EPHB1: variants seen among roughly 807,000 people sequenced by gnomAD.
EPHB1 encodes ephrin type-B receptor 1.
In EPHB1, 30 loss-of-function variants were observed where a neutral mutation model predicts 94.4. The ratio of observed to expected loss-of-function variants is 0.32; its 90% CI spans 0.24 to 0.43. EPHB1 has a LOEUF of 0.43. Ranked by LOEUF, EPHB1 falls within the 20% of genes least tolerant of loss-of-function variation. EPHB1 has a pLI of 1.00. For missense variants in EPHB1, 1,055 were observed against 1,308.3 expected, an observed-to-expected ratio of 0.81 and a Z score of 2.99; for synonymous variants, 522 against 489.1, an observed-to-expected ratio of 1.07 and a Z score of -0.89.
Position 135,241,135 on chromosome 3 carries a change from C to T in EPHB1, c.2347-13C>T, listed in dbSNP as rs753037978. ...CTGATTGTTGGGCTGACCACGGTTT[C>T]TCCTTCTTTCAGGGAGGGAAGATCC... is the stretch of plus-strand genomic sequence containing the variant. On this transcript the variant is annotated splice_polypyrimidine_tract_variant and intron_variant, in intron 12 of 15. Transcript: ENST00000398015. 4 of 1,614,188 alleles carry T rather than the reference C, an allele frequency of 2.5e-6. No individual in the cohort carries two copies. The highest frequency in any genetic ancestry group is 3.4e-6 in the Non-Finnish European group (4 of 1,180,016).
At chr3:134,905,757 G>A (rs533577388) in intron 1 of EPHB1, among the ~76,000 whole-genome samples, 1 of 152,282 alleles carries the variant, frequency 6.6e-6, no homozygotes, top group East Asian at 1.9e-4. Flanking sequence ...GCCTTGCTGT[G>A]GACATTTCCT....
At chr3:135,041,701 T>G (rs1936849054) in intron 3 of EPHB1, among the ~76,000 whole-genome samples, 1 of 152,192 alleles carries the variant, frequency 6.6e-6, no homozygotes, top group Non-Finnish European at 1.5e-5. Context: ...CCTGTTTTAG[T>G]CATTTTGGGC....
At chr3:135,212,785 G>A (rs980914166) in intron 12 of EPHB1, among the ~76,000 whole-genome samples, 2 of 152,150 alleles carry the variant, frequency 1.3e-5, no homozygotes, top group Non-Finnish European at 2.9e-5. Flanking sequence ...AAAACCTTGT[G>A]CTGTTCAGTT....
chr3:135,132,572 G>T, intron 4 of EPHB1, 142 bp from the exon 5 acceptor site: 1 of 673,526 alleles, frequency 1.5e-6, no homozygotes. Context: ...AAAATGAATT[G>T]AAGCATAGCC....
intron 1 of EPHB1, among the ~76,000 whole-genome samples, chr3:134,916,600 C>T (rs113616248): frequency 0.04 from 6,061 of 152,306 alleles, 172 homozygotes; most frequent in African/African-American, 0.069. Context: ...GCTGCTGGCC[C>T]GGGTGCTAAG....
At chr3:134,839,948 C>T (rs1005220643) in intron 1 of EPHB1, among the ~76,000 whole-genome samples, 1 of 152,142 alleles carries the variant, frequency 6.6e-6, no homozygotes, top group Non-Finnish European at 1.5e-5. Flanking sequence ...TCCCTGAGAC[C>T]CTGGGGCATC....
At chr3:135,098,734 G>T (rs144609998) in intron 3 of EPHB1, among the ~76,000 whole-genome samples, 1 of 151,986 alleles carries the variant, frequency 6.6e-6, no homozygotes, top group African/African-American at 2.4e-5. Flanking sequence ...CACTTTGACC[G>T]AGCATGTTGG....
intron 2 of EPHB1, among the ~76,000 whole-genome samples, chr3:134,947,102 T>A (rs555628146): frequency 1.6e-4 from 24 of 152,362 alleles, no homozygotes; most frequent in African/African-American, 5.8e-4. Context: ...TCTCACTAGA[T>A]TATAAGCTTC....
At chr3:134,984,380 T>G (rs905109534) in intron 3 of EPHB1, among the ~76,000 whole-genome samples, 1 of 152,150 alleles carries the variant, frequency 6.6e-6, no homozygotes, top group East Asian at 1.9e-4. Context: ...CTCCACAGCT[T>G]GAAGTCTGGA....
chr3:134,915,698 G>A (rs1236167972), intron 1 of EPHB1, among the ~76,000 whole-genome samples: 3 of 152,092 alleles, frequency 2.0e-5, no homozygotes, highest in Non-Finnish European at 2.9e-5. Context: ...GCAGACCTTC[G>A]CAGTGAGGGT....
At chr3:135,254,717 G>A (rs1332070776) in intron 15 of EPHB1, among the ~76,000 whole-genome samples, 1 of 152,084 alleles carries the variant, frequency 6.6e-6, no homozygotes, top group East Asian at 1.9e-4. Flanking sequence ...GTATCAGAAT[G>A]ATGCTGGCCT....
chr3:134,905,233 T>G (rs1387910356), intron 1 of EPHB1, among the ~76,000 whole-genome samples: 1 of 152,210 alleles, frequency 6.6e-6, no homozygotes, highest in Non-Finnish European at 1.5e-5. Flanking sequence ...TTCCTCCACT[T>G]TCCTCTTTGG....
intron 15 of EPHB1, among the ~76,000 whole-genome samples, chr3:135,253,092 AT>A (rs1197768477): frequency 6.7e-6 from 1 of 149,022 alleles, no homozygotes; most frequent in African/African-American, 2.5e-5. Flanking sequence ...GTTTGAGTTC[AT>A]TGTAGATTCT....
intron 6 of EPHB1, among the ~76,000 whole-genome samples, chr3:135,158,778 G>T (rs536176325): frequency 2.7e-4 from 41 of 152,040 alleles, no homozygotes; most frequent in African/African-American, 9.2e-4. Flanking sequence ...TGGTGTCAGC[G>T]CTTGTAGACA....
chr3:135,168,234 G>T (rs1030368900), intron 9 of EPHB1, among the ~76,000 whole-genome samples: 43 of 152,336 alleles, frequency 2.8e-4, no homozygotes, highest in African/African-American at 9.6e-4. Flanking sequence ...CTTATTGCTG[G>T]AGGGAGTTGT....
chr3:135,044,444 T>C (rs1936938571), intron 3 of EPHB1, among the ~76,000 whole-genome samples: 1 of 152,204 alleles, frequency 6.6e-6, no homozygotes. Flanking sequence ...GCACATTGTG[T>C]GCTGCTGACT....
intron 3 of EPHB1, among the ~76,000 whole-genome samples, chr3:134,980,481 G>T (rs1157487523): frequency 6.7e-6 from 1 of 149,556 alleles, no homozygotes; most frequent in Non-Finnish European, 1.5e-5. Flanking sequence ...AGGGTGTCAA[G>T]AATTTGAAGC....
intron 5 of EPHB1, among the ~76,000 whole-genome samples, chr3:135,139,321 A>C: frequency 6.6e-6 from 1 of 152,226 alleles, no homozygotes; most frequent in East Asian, 1.9e-4. Flanking sequence ...AGAGGAACAC[A>C]GAAGAGACTC....
In EPHB1 at chr3:135,259,758, T is replaced by C. The variant is rs768311604; in HGVS notation, c.*638T>C. Reference sequence around the variant, plus strand: ...GATGTACCTTCAATTGAAAACCTCGTTTTTCTTTTGTTTGCATTTTCTGCA... The same window carrying C: ...GATGTACCTTCAATTGAAAACCTCGCTTTTCTTTTGTTTGCATTTTCTGCA... On this transcript the variant is annotated 3_prime_UTR_variant, in exon 16 of 16. Transcript: ENST00000398015. The C allele has an allele frequency of 9.4e-6, 2 of 212,428 alleles. No individual in the cohort carries two copies. The highest frequency in any genetic ancestry group is 1.9e-5 in the Non-Finnish European group (2 of 104,560). The allele number at this position is 212,428 out of a possible 1,614,324, so 13.2% of individuals were successfully genotyped here.
Sources: gnomAD v4.1 joint callset for allele counts (sites outside exome capture counted in the v4.1 genomes callset) on GRCh38, gnomAD v4.1.1 for gene constraint, MANE v1.5 for transcripts, NCBI Gene and HGNC (gene_info 2026-07-23, HGNC 2026-07-21) for gene names.